The following GLYATL1 variants were observed in gnomAD, a reference collection of about 807,000 sequenced individuals.
GLYATL1 encodes glycine N-acyltransferase-like protein 1.
GLYATL1 carries 15 observed loss-of-function variants against 20.0 expected under a neutral mutation model. The ratio of observed to expected loss-of-function variants is 0.75; its 90% CI spans 0.50 to 1.15. The LOEUF (loss-of-function observed/expected upper bound fraction) is 1.15. GLYATL1 is among the 50% of genes most tolerant of loss of function. GLYATL1 has a pLI of 0.00. For missense variants in GLYATL1, 380 were observed against 368.5 expected (o/e 1.03, Z -0.26); for synonymous variants, 151 against 131.5 (o/e 1.15, Z -1.01).
At chr11:58,927,697 A>G (rs1375443392), upstream of GLYATL1, 2 of 152,204 alleles carry the variant, frequency 1.3e-5, no homozygotes, top group African/African-American at 4.8e-5. Context: ...CCCTTTAGGT[A>G]TCTGATCGCT....
exon 2 of GLYATL1, chr11:58,908,583 A>C (rs1590764075): frequency 5.6e-6 from 1 of 178,388 alleles, no homozygotes; most frequent in East Asian, 1.5e-4. Flanking sequence ...CACTGGAGAG[A>C]TAGTCTAACC....
chr11:58,941,976 A>G (rs1856191941), intron 1 of GLYATL1, among the ~76,000 whole-genome samples: 1 of 152,224 alleles, frequency 6.6e-6, no homozygotes, highest in Admixed American at 6.5e-5. Flanking sequence ...TGTGAAGCAT[A>G]TAAAAGTTTA....
chr11:58,918,824 A>G (rs1855240893), intron 1 of GLYATL1, among the ~76,000 whole-genome samples: 1 of 152,148 alleles, frequency 6.6e-6, no homozygotes, highest in Non-Finnish European at 1.5e-5. Flanking sequence ...CATGTGTGGA[A>G]TGGTTAGCTT....
In GLYATL1 at chr11:58,948,362, G is replaced by A. The variant is rs553649433; in HGVS notation, c.186+397G>A. 7.2e-5 allele frequency among the ~76,000 whole-genome samples: 11 copies of A among 152,312 alleles called. No homozygotes were observed. In the South Asian group the frequency reaches 1.9e-3, roughly 26 times the overall value. The stretch of plus-strand genomic sequence containing the variant: ...CCAGTAAAATTACCTCTCAGGGCCA[G>A]GCATGGTGTCTTCTACCTGTAATCC... On this transcript the variant is annotated intron_variant, in intron 4 of 6. Transcript: ENST00000532726.
At chr11:58,942,472 T>G (rs1280428536) in intron 1 of GLYATL1, 1 of 152,158 alleles carries the variant, frequency 6.6e-6, no homozygotes, top group Non-Finnish European at 1.5e-5. Flanking sequence ...GATGTCATAA[T>G]GGATTGGATG....
intron 1 of GLYATL1, among the ~76,000 whole-genome samples, chr11:58,915,998 T>C (rs564782306): frequency 2.6e-4 from 39 of 152,284 alleles, no homozygotes; most frequent in Non-Finnish European, 1.6e-4. Context: ...AGCCAGATAA[T>C]TTGATTTACC....
In GLYATL1 at chr11:58,947,132, A is replaced by T; in HGVS notation, c.45A>T (p.Lys15Asn). Residue 15 changes from lysine (K) to asparagine (N), a missense_variant, in exon 3 of 7, where the codon AAA (lysine) becomes AAT (asparagine). Transcript: ENST00000532726. ...NNSHKLLALYKSLARSIPESL... is the reference protein window; with the variant it reads ...NNSHKLLALYNSLARSIPESL... ...CCCATAAGCTGCTGGCCCTATACAAATCCTTGGCCAGGAGCATCCCTGAGT... is the reference window on the plus strand; with the variant it reads ...CCCATAAGCTGCTGGCCCTATACAATTCCTTGGCCAGGAGCATCCCTGAGT... 1 of 1,613,694 alleles carries T rather than the reference A, an allele frequency of 6.2e-7. No individual in the cohort carries two copies. Among genetic ancestry groups the T allele is most frequent in the Non-Finnish European group, 8.5e-7 (1 of 1,179,586 alleles).
At chr11:58,943,518 T>A (rs1208605862) in intron 1 of GLYATL1, 25 bp from the exon 2 acceptor site, 7 of 1,585,088 alleles carry the variant, frequency 4.4e-6, no homozygotes, top group Non-Finnish European at 5.1e-6. Flanking sequence ...TAAGTTTAAT[T>A]CAGCTGAAGT....
At chr11:58,945,998 T>A (rs1391565917) in intron 2 of GLYATL1, among the ~76,000 whole-genome samples, 3 of 152,246 alleles carry the variant, frequency 2.0e-5, no homozygotes, top group Non-Finnish European at 4.4e-5. Flanking sequence ...TTTAACTTCA[T>A]GGATAAAAAA....
At chr11:58,908,918 A>C (rs1197503479), downstream of GLYATL1, among the ~76,000 whole-genome samples, 6 of 152,190 alleles carry the variant, frequency 3.9e-5, no homozygotes, top group African/African-American at 1.4e-4. Flanking sequence ...TGCAGTAGGT[A>C]ATATTATCAT....
At chr11:58,953,254 T>C (rs1857125975) in intron 4 of GLYATL1, among the ~76,000 whole-genome samples, 1 of 152,206 alleles carries the variant, frequency 6.6e-6, no homozygotes, top group South Asian at 2.1e-4. Flanking sequence ...TCAATATTGA[T>C]AGTTTATTCT....
At chr11:58,927,542 G>C (rs974145189), upstream of GLYATL1, 1 of 152,268 alleles carries the variant, frequency 6.6e-6, no homozygotes, top group Admixed American at 6.5e-5. Context: ...TGACTTTGTT[G>C]TATGTGCCTC....
chr11:58,927,344 C>T (rs1458212402), upstream of GLYATL1, among the ~76,000 whole-genome samples: 1 of 152,254 alleles, frequency 6.6e-6, no homozygotes, highest in Non-Finnish European at 1.5e-5. Flanking sequence ...TGGGATGTCA[C>T]TTGTAAACAA....
rs779025892 is a variant in GLYATL1, at chr11:58,947,086, G to C, written c.-2G>C. The C allele has an allele frequency of 4.3e-6, 7 of 1,614,042 alleles. No individual in the cohort carries two copies. The Admixed American group carries it at 1.2e-4, about 27-fold the overall frequency. On this transcript the variant is annotated 5_prime_UTR_variant, in exon 3 of 7. Coordinates refer to ENST00000532726, the MANE Select transcript of GLYATL1 (RefSeq NM_001389712.2). Reference sequence around the variant, plus strand: ...GTCTCAAGGTCTGAAGCATCCCACAGAATGATCCTACTGAATAACTCCCAT... The same window carrying C: ...GTCTCAAGGTCTGAAGCATCCCACACAATGATCCTACTGAATAACTCCCAT...
At position 58,955,843 on chromosome 11, in the gene GLYATL1, G is replaced by GC. The variant is rs1268996149; in HGVS notation, c.726dup (p.Asn243GlnfsTer29). 4 of 1,614,176 alleles carry GC rather than the reference G, an allele frequency of 2.5e-6. No homozygotes were observed. Among genetic ancestry groups the GC allele is most frequent in the Non-Finnish European group, 3.4e-6 (4 of 1,180,038 alleles). ...AGCATGGAAAAATACCGAAGGACAG[G>GC]CAACATGGCACGAGTGATGGTGCGA... On this transcript the variant is annotated frameshift_variant, in exon 7 of 7. Coordinates refer to ENST00000532726, the MANE Select transcript of GLYATL1 (RefSeq NM_001389712.2). LOFTEE classifies it low-confidence loss of function (END_TRUNC).
At chr11:58,950,339 T>C (rs1358819113) in intron 4 of GLYATL1, among the ~76,000 whole-genome samples, 3 of 151,996 alleles carry the variant, frequency 2.0e-5, no homozygotes, top group Non-Finnish European at 4.4e-5. Flanking sequence ...ACTGATGATC[T>C]CTTTTGTCAT....
intron 1 of GLYATL1, among the ~76,000 whole-genome samples, chr11:58,933,366 C>T (rs1303196054): frequency 6.6e-6 from 1 of 152,184 alleles, no homozygotes; most frequent in Admixed American, 6.5e-5. Context: ...ATTGTACCTA[C>T]CTACTAAATG....
intron 2 of GLYATL1, among the ~76,000 whole-genome samples, chr11:58,944,057 T>C (rs1247575411): frequency 6.6e-6 from 1 of 151,958 alleles, no homozygotes; most frequent in Non-Finnish European, 1.5e-5. Flanking sequence ...AAAAATGGGA[T>C]CCTTAATTTC....
upstream of GLYATL1, among the ~76,000 whole-genome samples, chr11:58,923,061 C>G (rs1471990797): frequency 6.6e-6 from 1 of 152,170 alleles, no homozygotes; most frequent in African/African-American, 2.4e-5. Flanking sequence ...GGGTGGGTCT[C>G]AATAATTTTC....
Sources: allele counts gnomAD v4.1 joint callset (sites outside exome capture counted in the v4.1 genomes callset), GRCh38; gene constraint gnomAD v4.1.1; transcripts MANE v1.5; gene names NCBI Gene and HGNC (gene_info 2026-07-23, HGNC 2026-07-21).